Variants in RBFOX1 observed in about 807,000 individuals in gnomAD.
RBFOX1 encodes the protein RNA binding fox-1 homolog 1.
A neutral mutation model predicts 57.7 loss-of-function variants in RBFOX1; 8 were observed. The ratio of observed to expected loss-of-function variants is 0.14; its 90% CI spans 0.08 to 0.25. The LOEUF (loss-of-function observed/expected upper bound fraction) is 0.25. Ranked by LOEUF, RBFOX1 falls within the 10% of genes least tolerant of loss-of-function variation. RBFOX1 has a pLI of 1.00. For missense variants in RBFOX1, 611 were observed against 548.5 expected (o/e 1.11, Z -1.14); for synonymous variants, 326 against 222.4 (o/e 1.47, Z -4.15).
At chr16:6,193,714 A>T (rs527730760) in intron 1 of RBFOX1, among the ~76,000 whole-genome samples, 1 of 151,936 alleles carries the variant, frequency 6.6e-6, no homozygotes, top group Non-Finnish European at 1.5e-5. Context: ...TTTTACCTTG[A>T]TTCTCACATT....
chr16:7,218,159 C>T (rs891785891), intron 4 of RBFOX1, among the ~76,000 whole-genome samples: 2 of 152,120 alleles, frequency 1.3e-5, no homozygotes, highest in Non-Finnish European at 2.9e-5. Context: ...CTGACTCTTT[C>T]TAACCCTATG....
chr16:6,907,852 G>A (rs1431916797), intron 3 of RBFOX1, among the ~76,000 whole-genome samples: 1 of 151,716 alleles, frequency 6.6e-6, no homozygotes, highest in Non-Finnish European at 1.5e-5. Flanking sequence ...GGGATTACAG[G>A]CATGAGCCCC....
chr16:7,524,572 C>T (rs986361600), intron 5 of RBFOX1, among the ~76,000 whole-genome samples: 1 of 152,176 alleles, frequency 6.6e-6, no homozygotes, highest in Non-Finnish European at 1.5e-5. Context: ...TTTAACGCTT[C>T]TGCAGTCTGT....
At chr16:5,708,133 C>T (rs183834683) in intron 3 of RBFOX1, among the ~76,000 whole-genome samples, 14 of 152,186 alleles carry the variant, frequency 9.2e-5, no homozygotes, top group African/African-American at 3.1e-4. Flanking sequence ...TCTGAAAACC[C>T]GAAGTAGTCA....
chr16:7,121,805 A>G (rs1216665520), intron 4 of RBFOX1, among the ~76,000 whole-genome samples: 3 of 152,034 alleles, frequency 2.0e-5, no homozygotes, highest in Admixed American at 2.0e-4. Flanking sequence ...AGAAGTAAAG[A>G]TAGTGCAAAC....
chr16:5,962,620 G>A (rs1489858767), intron 4 of RBFOX1, among the ~76,000 whole-genome samples: 3 of 152,066 alleles, frequency 2.0e-5, no homozygotes, highest in South Asian at 4.1e-4. Context: ...CATTCACTGA[G>A]CAAATGTTGT....
intron 1 of RBFOX1, among the ~76,000 whole-genome samples, chr16:6,230,498 T>C (rs2097451081): frequency 6.6e-6 from 1 of 152,268 alleles, no homozygotes; most frequent in South Asian, 2.1e-4. Flanking sequence ...TATTAGTCAG[T>C]GTCTGCTGCA....
At chr16:5,277,178 G>T (rs2063162176) in intron 1 of RBFOX1, among the ~76,000 whole-genome samples, 1 of 152,242 alleles carries the variant, frequency 6.6e-6, no homozygotes, top group South Asian at 2.1e-4. Flanking sequence ...GAGTTGGAGA[G>T]CATTATTCTA....
At chr16:6,446,710 A>G (rs1402719271) in intron 2 of RBFOX1, among the ~76,000 whole-genome samples, 1 of 152,188 alleles carries the variant, frequency 6.6e-6, no homozygotes, top group Non-Finnish European at 1.5e-5. Flanking sequence ...TATAGATTAA[A>G]TAGAGTTAGT....
At chr16:6,442,531 T>G (rs888473022) in intron 2 of RBFOX1, among the ~76,000 whole-genome samples, 1 of 150,690 alleles carries the variant, frequency 6.6e-6, no homozygotes, top group Non-Finnish European at 1.5e-5. Context: ...CACTCCAGCC[T>G]GGGAGAAAGC....
At chr16:5,657,727 C>T (rs367867623) in intron 3 of RBFOX1, among the ~76,000 whole-genome samples, 21 of 47,024 alleles carry the variant, frequency 4.5e-4, no homozygotes, top group Admixed American at 9.0e-4. Flanking sequence ...TCTTTTGTTT[C>T]TTTTCTTTTC....
chr16:5,624,790 T>G (rs1281293225), intron 3 of RBFOX1, among the ~76,000 whole-genome samples: 1 of 152,224 alleles, frequency 6.6e-6, no homozygotes, highest in Non-Finnish European at 1.5e-5. Flanking sequence ...GCTCATATGC[T>G]GAGTGCCAGG....
At chr16:5,661,413 G>A (rs11861333) in intron 3 of RBFOX1, among the ~76,000 whole-genome samples, 6,447 of 152,216 alleles carry the variant, frequency 0.042, 468 homozygotes, top group African/African-American at 0.15. Flanking sequence ...ATCCACTGTA[G>A]AAACCTTAGC....
intron 2 of RBFOX1, among the ~76,000 whole-genome samples, chr16:6,548,915 A>T (rs552268457): frequency 6.6e-6 from 1 of 151,392 alleles, no homozygotes; most frequent in Non-Finnish European, 1.5e-5. Context: ...ATCTCTACTA[A>T]AAGTACAAAA....
At chr16:7,268,561 G>A (rs1301303548) in intron 4 of RBFOX1, among the ~76,000 whole-genome samples, 1 of 152,206 alleles carries the variant, frequency 6.6e-6, no homozygotes, top group Non-Finnish European at 1.5e-5. Context: ...GCTCTTTGCA[G>A]CTAATAAAGA....
chr16:6,960,473 T>G (rs1326210352), intron 3 of RBFOX1, among the ~76,000 whole-genome samples: 1 of 152,142 alleles, frequency 6.6e-6, no homozygotes, highest in Non-Finnish European at 1.5e-5. Context: ...CTCGTGTATG[T>G]TGTTATTGGG....
chr16:6,885,683 C>T (rs1336284120), intron 3 of RBFOX1, among the ~76,000 whole-genome samples: 4 of 151,760 alleles, frequency 2.6e-5, no homozygotes, highest in East Asian at 2.0e-4. Flanking sequence ...AGGCCCCTGC[C>T]ACCACACTCA....
chr16:5,274,329 G>T (rs1335025446), intron 1 of RBFOX1, among the ~76,000 whole-genome samples: 2 of 152,110 alleles, frequency 1.3e-5, no homozygotes, highest in African/African-American at 4.8e-5. Context: ...AGGAGTTCGA[G>T]ACCAGCCTGG....
chr16:5,402,164 G>A (rs2066734879), intron 1 of RBFOX1, among the ~76,000 whole-genome samples: 1 of 152,140 alleles, frequency 6.6e-6, no homozygotes, highest in Non-Finnish European at 1.5e-5. Context: ...GAAGAGGAGG[G>A]TCATGTGGAG....
Sources: gnomAD v4.1 joint callset for allele counts (sites outside exome capture counted in the v4.1 genomes callset) on GRCh38, gnomAD v4.1.1 for gene constraint, MANE v1.5 for transcripts, NCBI Gene and HGNC (gene_info 2026-07-23, HGNC 2026-07-21) for gene names.